STXBP4: variants seen among roughly 807,000 people sequenced by gnomAD.
STXBP4 encodes the protein syntaxin binding protein 4, also known as syntaxin-binding protein 4.
STXBP4 carries 55 observed loss-of-function variants against 76.1 expected under a neutral mutation model. The observed-to-expected ratio is 0.72, with a 90% CI of 0.58 to 0.91. The LOEUF (loss-of-function observed/expected upper bound fraction) is 0.91, where lower values mean the gene tolerates loss of function less well. STXBP4 is among the 40% of genes least tolerant of loss of function. STXBP4 has a pLI of 0.00. For synonymous variants in STXBP4, 201 were observed against 220.2 expected, an observed-to-expected ratio of 0.91 and a Z score of 0.77; for missense variants, 618 against 636.9, an observed-to-expected ratio of 0.97 and a Z score of 0.32.
intron 13 of STXBP4, among the ~76,000 whole-genome samples, chr17:55,073,943 T>A (rs2079151357): frequency 6.6e-6 from 1 of 152,172 alleles, no homozygotes; most frequent in Non-Finnish European, 1.5e-5. Context: ...CAAACTTTTT[T>A]ATGCAATTTT....
At chr17:54,986,398 A>C in intron 3 of STXBP4, 132 bp downstream of exon 3, 1 of 622,678 alleles carries the variant, frequency 1.6e-6, no homozygotes, top group Non-Finnish European at 2.8e-6. Context: ...GTAGTGAGTA[A>C]AGTAATACGT....
At chr17:55,109,270 CA>C (rs1271719558) in intron 16 of STXBP4, among the ~76,000 whole-genome samples, 6 of 152,150 alleles carry the variant, frequency 3.9e-5, no homozygotes, top group Non-Finnish European at 8.8e-5. Flanking sequence ...AATAGTTGAG[CA>C]AAGGACTATT....
chr17:55,094,661 G>A (rs1281917524), intron 16 of STXBP4, among the ~76,000 whole-genome samples: 1 of 152,088 alleles, frequency 6.6e-6, no homozygotes, highest in Non-Finnish European at 1.5e-5. Flanking sequence ...TTGGATCTTA[G>A]ACTACCCCAT....
At chr17:55,067,126 G>A (rs1156233424) in intron 12 of STXBP4, among the ~76,000 whole-genome samples, 1 of 152,114 alleles carries the variant, frequency 6.6e-6, no homozygotes, top group African/African-American at 2.4e-5. Flanking sequence ...CTCATTTTAT[G>A]TTAAGTAGAG....
At chr17:54,970,896 T>C (rs1205628295) in intron 1 of STXBP4, among the ~76,000 whole-genome samples, 1 of 152,216 alleles carries the variant, frequency 6.6e-6, no homozygotes, top group African/African-American at 2.4e-5. Flanking sequence ...TCTACTTTAA[T>C]AAAAGAAAAT....
chr17:55,059,841 A>T (rs999947567), intron 12 of STXBP4, among the ~76,000 whole-genome samples: 1 of 152,144 alleles, frequency 6.6e-6, no homozygotes, highest in African/African-American at 2.4e-5. Context: ...TATACCAAAA[A>T]GGTCTATGCA....
intron 10 of STXBP4, among the ~76,000 whole-genome samples, chr17:55,039,485 AT>A (rs2144724202): frequency 6.6e-6 from 1 of 152,270 alleles, no homozygotes; most frequent in East Asian, 1.9e-4. Context: ...CAAAAGTGAT[AT>A]TTTAGAAAGA....
At chr17:55,193,168 C>G in the STXBP4 span, among the ~76,000 whole-genome samples, 2 of 152,040 alleles carry the variant, frequency 1.3e-5, no homozygotes, top group Non-Finnish European at 1.5e-5. Context: ...GTCTGAGGGA[C>G]TAGGATGAAT....
chr17:55,190,667 T>G, the STXBP4 span, among the ~76,000 whole-genome samples: 6 of 152,124 alleles, frequency 3.9e-5, no homozygotes, highest in African/African-American at 1.4e-4. Context: ...CCGAGGGAGA[T>G]AATAAGCATG....
At chr17:55,094,103 A>G (rs2079451919) in intron 16 of STXBP4, among the ~76,000 whole-genome samples, 1 of 149,698 alleles carries the variant, frequency 6.7e-6, no homozygotes, top group Non-Finnish European at 1.5e-5. Context: ...TATGGGAAGG[A>G]CCTTTCAGGC....
At chr17:55,024,158 T>C (rs918834216) in intron 8 of STXBP4, among the ~76,000 whole-genome samples, 2 of 152,170 alleles carry the variant, frequency 1.3e-5, no homozygotes, top group African/African-American at 4.8e-5. Context: ...CACAAAGATA[T>C]AGAGAAATAG....
At chr17:55,127,620 G>T (rs1263464584) in intron 16 of STXBP4, among the ~76,000 whole-genome samples, 1 of 152,100 alleles carries the variant, frequency 6.6e-6, no homozygotes, top group Non-Finnish European at 1.5e-5. Context: ...TTAATGTAAT[G>T]ATTATTGAGT....
chr17:55,078,246 G>T, intron 14 of STXBP4, 52 bp downstream of exon 14: 1 of 1,137,568 alleles, frequency 8.8e-7, no homozygotes. Flanking sequence ...ATAGGCAACT[G>T]GCATATAGAT....
chr17:55,025,090 G>A (rs927591389), intron 8 of STXBP4, among the ~76,000 whole-genome samples: 18 of 150,692 alleles, frequency 1.2e-4, no homozygotes, highest in African/African-American at 4.2e-4. Context: ...GCAGTGAGCC[G>A]AGATCTCACC....
chr17:55,080,459 T>A (rs1238035398), intron 15 of STXBP4, among the ~76,000 whole-genome samples: 1 of 152,120 alleles, frequency 6.6e-6, no homozygotes, highest in Non-Finnish European at 1.5e-5. Context: ...TTTTTTCAAG[T>A]AAGTTTTAGT....
intron 16 of STXBP4, among the ~76,000 whole-genome samples, chr17:55,120,234 G>A (rs1052252040): frequency 7.2e-5 from 11 of 152,096 alleles, no homozygotes; most frequent in African/African-American, 2.7e-4. Context: ...TTAGCTGCAA[G>A]CATTTGTTTT....
intron 13 of STXBP4, among the ~76,000 whole-genome samples, chr17:55,074,665 C>T (rs1439271227): frequency 6.6e-6 from 1 of 152,040 alleles, no homozygotes; most frequent in African/African-American, 2.4e-5. Context: ...TCTCTTCCAG[C>T]TCTTAACTGA....
At chr17:55,080,867 G>A (rs552907893) in intron 15 of STXBP4, among the ~76,000 whole-genome samples, 183 bp from the exon 16 acceptor site, 36 of 151,906 alleles carry the variant, frequency 2.4e-4, no homozygotes, top group South Asian at 6.2e-4. Flanking sequence ...TTATTATGTC[G>A]TAAATAATTG....
chr17:55,107,322 A>AG (rs2079647674), intron 16 of STXBP4, among the ~76,000 whole-genome samples: 13 of 152,064 alleles, frequency 8.5e-5, no homozygotes, highest in Non-Finnish European at 1.5e-5. Flanking sequence ...TGGTTATTCT[A>AG]GTTAGCAATT....
Sources: gnomAD v4.1 joint callset for allele counts (sites outside exome capture counted in the v4.1 genomes callset) on GRCh38, gnomAD v4.1.1 for gene constraint, MANE v1.5 for transcripts, NCBI Gene and HGNC (gene_info 2026-07-23, HGNC 2026-07-21) for gene names.